Variants in PRKCH observed in about 807,000 individuals in gnomAD.
PRKCH encodes the protein protein kinase C eta type.
A neutral mutation model predicts 82.5 loss-of-function variants in PRKCH; 28 were observed. That is an observed-to-expected ratio of 0.34 (90% confidence interval 0.25 to 0.47). The LOEUF (loss-of-function observed/expected upper bound fraction) is 0.47, where lower values mean the gene tolerates loss of function less well. Ranked by LOEUF, PRKCH falls within the 20% of genes least tolerant of loss-of-function variation. PRKCH has a pLI of 1.00. For missense variants in PRKCH, 705 were observed against 881.8 expected, an observed-to-expected ratio of 0.80 and a Z score of 2.54; for synonymous variants, 322 against 327.4, an observed-to-expected ratio of 0.98 and a Z score of 0.18.
intron 12 of PRKCH, among the ~76,000 whole-genome samples, chr14:61,540,035 C>T (rs573049375): frequency 1.3e-5 from 2 of 152,310 alleles, no homozygotes; most frequent in African/African-American, 4.8e-5. Context: ...CTCTTCTGGC[C>T]GACAGCTCTT....
chr14:61,534,202 C>A (rs903105404), intron 12 of PRKCH, among the ~76,000 whole-genome samples: 1 of 152,198 alleles, frequency 6.6e-6, no homozygotes, highest in Admixed American at 6.5e-5. Flanking sequence ...TCTAGCACTT[C>A]TACTTCTGGA....
chr14:61,460,299 A>G (rs1397090298), intron 9 of PRKCH, among the ~76,000 whole-genome samples: 3 of 152,058 alleles, frequency 2.0e-5, no homozygotes, highest in East Asian at 1.9e-4. Context: ...GTTGCTATGT[A>G]TTGTGTTCCT....
At chr14:61,396,094 A>G (rs1178208772) in intron 2 of PRKCH, among the ~76,000 whole-genome samples, 14 of 151,740 alleles carry the variant, frequency 9.2e-5, no homozygotes, top group African/African-American at 1.7e-4. Flanking sequence ...AAAAAAAAAA[A>G]AAAAGAAAAG....
rs546830781 is a variant in PRKCH at position 61,203,477 on chromosome 14, A to G, written c.-19+15809A>G. 1.1e-4 allele frequency among the ~76,000 whole-genome samples: 16 copies of G among 152,148 alleles called. No individual in the cohort carries two copies. The East Asian group carries it at 2.1e-3, about 20-fold the overall frequency. On this transcript the variant is annotated intron_variant, in intron 1 of 3. Coordinates refer to the PRKCH transcript ENST00000555185. ...GGGGGGTACTCAAATGACAGGACTG[A>G]AGATTTGTGAGGATTTGTGAGGCAC...
At position 61,376,017 on chromosome 14, in the gene PRKCH, C is replaced by CAA. The variant is rs61102403; in HGVS notation, c.364-15192_364-15191dup. Among the ~76,000 whole-genome samples, 6 of 62,310 alleles carry CAA rather than the reference C, an allele frequency of 9.6e-5. No individual in the cohort carries two copies. The East Asian group carries it at 1.2e-3, about 13-fold the overall frequency. The allele number at this position is 62,310 out of a possible 152,430, so 40.9% of individuals were successfully genotyped here. A position where few individuals can be genotyped will look rare whatever the true frequency, so the allele number is the denominator to read the frequency against. On this transcript the variant is annotated intron_variant, in intron 1 of 13. Transcript: ENST00000332981. The stretch of plus-strand genomic sequence containing the variant: ...GGGCAACAAGAGTGAAATTCTGTCT[C>CAA]AAAAAAAAAAAAAAAAAGCTCATAA...
At chr14:61,457,445 G>A (rs1884826704) in intron 8 of PRKCH, 61 bp from the exon 9 acceptor site, 5 of 1,595,330 alleles carry the variant, frequency 3.1e-6, no homozygotes, top group Admixed American at 3.4e-5. Context: ...CCTGTTGTGT[G>A]CACACACCCT....
intron 1 of PRKCH, among the ~76,000 whole-genome samples, chr14:61,193,818 C>T (rs1391078371): frequency 3.3e-5 from 5 of 152,198 alleles, no homozygotes; most frequent in South Asian, 4.1e-4. Context: ...GGCCAGAAAG[C>T]TCGCCTGATA....
At chr14:61,442,082 T>A (rs1350240863) in intron 2 of PRKCH, among the ~76,000 whole-genome samples, 1 of 152,220 alleles carries the variant, frequency 6.6e-6, no homozygotes, top group Non-Finnish European at 1.5e-5. Context: ...GTTTAAAATT[T>A]TTTAGCAAAT....
At chr14:61,456,592 T>G (rs953503540) in intron 7 of PRKCH, among the ~76,000 whole-genome samples, 1 of 152,228 alleles carries the variant, frequency 6.6e-6, no homozygotes, top group Non-Finnish European at 1.5e-5. Flanking sequence ...TGCGTGTGTG[T>G]TATTTATACA....
intron 1 of PRKCH, among the ~76,000 whole-genome samples, chr14:61,246,312 G>A (rs1264188695): frequency 1.3e-5 from 2 of 151,058 alleles, no homozygotes; most frequent in Non-Finnish European, 2.9e-5. Flanking sequence ...GGAGGTTGAG[G>A]CAGGAGAATC....
At chr14:61,274,229 C>G (rs1254057595) in intron 1 of PRKCH, among the ~76,000 whole-genome samples, 1 of 152,162 alleles carries the variant, frequency 6.6e-6, no homozygotes, top group Non-Finnish European at 1.5e-5. Flanking sequence ...CCAGCATGAG[C>G]AAAGACACGG....
At chr14:61,457,800 A>AAAAAATAT in intron 9 of PRKCH, 121 bp downstream of exon 9, 2 of 1,346,362 alleles carry the variant, frequency 1.5e-6, no homozygotes, top group Admixed American at 4.0e-5. Flanking sequence ...CTCCCAAGGC[A>AAAAAATAT]GGGTCATATG....
At chr14:61,349,782 A>C (rs2046046605) in intron 1 of PRKCH, among the ~76,000 whole-genome samples, 3 of 152,072 alleles carry the variant, frequency 2.0e-5, no homozygotes, top group African/African-American at 7.2e-5. Flanking sequence ...AATTGCTTGA[A>C]CCTGGGAGGC....
chr14:61,438,671 C>T (rs184811712), intron 2 of PRKCH, among the ~76,000 whole-genome samples: 6 of 152,280 alleles, frequency 3.9e-5, no homozygotes, highest in Admixed American at 2.0e-4. Flanking sequence ...ACATACTCCT[C>T]ATCCACAGAA....
chr14:61,386,832 C>G (rs1003544470), intron 1 of PRKCH, among the ~76,000 whole-genome samples: 1 of 152,156 alleles, frequency 6.6e-6, no homozygotes, highest in South Asian at 2.1e-4. Flanking sequence ...GAATATTTGA[C>G]CTATTCTCTT....
intron 2 of PRKCH, among the ~76,000 whole-genome samples, chr14:61,420,288 G>A (rs977152228): frequency 1.3e-5 from 2 of 152,146 alleles, no homozygotes; most frequent in African/African-American, 2.4e-5. Context: ...CATTGGTTGT[G>A]TGGGGGATGC....
At chr14:61,251,997 G>A (rs753800201) in intron 1 of PRKCH, among the ~76,000 whole-genome samples, 3 of 152,080 alleles carry the variant, frequency 2.0e-5, no homozygotes, top group Non-Finnish European at 1.5e-5. Context: ...ACGCCACCAC[G>A]CCCAGCTAAT....
At position 61,487,892 on chromosome 14, in the gene PRKCH, G is replaced by A. The variant is rs545163045; in HGVS notation, c.1433+2236G>A. On this transcript the variant is annotated intron_variant, in intron 10 of 13. Transcript: ENST00000332981. Reference sequence around the variant, plus strand: ...TAGCCAGCCGGGCGCGGTGGCTCACGCCTGTAATCCCAGCACTCTGGGAGG... The same window carrying A: ...TAGCCAGCCGGGCGCGGTGGCTCACACCTGTAATCCCAGCACTCTGGGAGG... 8.2e-4 allele frequency among the ~76,000 whole-genome samples: 124 copies of A among 151,872 alleles called. 3 individuals are homozygous for A. The South Asian group carries it at 0.011, about 14-fold the overall frequency.
intron 1 of PRKCH, among the ~76,000 whole-genome samples, chr14:61,194,894 C>T (rs1178254194): frequency 3.3e-5 from 5 of 152,060 alleles, no homozygotes; most frequent in Non-Finnish European, 5.9e-5. Flanking sequence ...CCACCATGCC[C>T]GGATAATTTT....
Sources: allele counts gnomAD v4.1 joint callset (sites outside exome capture counted in the v4.1 genomes callset), GRCh38; gene constraint gnomAD v4.1.1; transcripts MANE v1.5; gene names NCBI Gene and HGNC (gene_info 2026-07-23, HGNC 2026-07-21).